LRRC7: variants seen among roughly 807,000 people sequenced by gnomAD.
LRRC7 encodes leucine rich repeat containing 7.
Under a neutral mutation model 175.7 loss-of-function variants are expected in LRRC7, and 23 were observed. The ratio of observed to expected loss-of-function variants is 0.13; its 90% CI spans 0.09 to 0.19. LRRC7 has a LOEUF of 0.19. Among genes scored for constraint, LRRC7 ranks in the 10% least tolerant of loss-of-function variants. LRRC7 has a pLI of 1.00. For missense variants in LRRC7, 1,354 were observed against 1,904.7 expected, an observed-to-expected ratio of 0.71 and a Z score of 5.38; for synonymous variants, 685 against 680.9, an observed-to-expected ratio of 1.01 and a Z score of -0.09.
intron 7 of LRRC7, chr1:69,873,708 G>A (rs1483100568): frequency 4.5e-6 from 1 of 224,710 alleles, no homozygotes; most frequent in African/African-American, 2.3e-5. Flanking sequence ...AAAATGTTTG[G>A]TCTTTGTTAA....
At chr1:69,711,026 T>A (rs1664690618) in intron 2 of LRRC7, among the ~76,000 whole-genome samples, 1 of 152,226 alleles carries the variant, frequency 6.6e-6, no homozygotes, top group Non-Finnish European at 1.5e-5. Flanking sequence ...AAGTCCAGTG[T>A]TGAGTGTATG....
intron 1 of LRRC7, among the ~76,000 whole-genome samples, chr1:69,668,277 T>G (rs956888553): frequency 2.0e-5 from 3 of 151,992 alleles, no homozygotes; most frequent in Non-Finnish European, 4.4e-5. Flanking sequence ...GTATTTCTCC[T>G]AATGCTATCC....
At chr1:69,652,869 G>T (rs1435131733) in intron 1 of LRRC7, among the ~76,000 whole-genome samples, 4 of 152,020 alleles carry the variant, frequency 2.6e-5, no homozygotes, top group Admixed American at 2.0e-4. Flanking sequence ...ATGGCATCAA[G>T]ACTATTCAAT....
intron 7 of LRRC7, among the ~76,000 whole-genome samples, chr1:69,856,176 A>G (rs1683592637): frequency 6.6e-6 from 1 of 152,186 alleles, no homozygotes; most frequent in Non-Finnish European, 1.5e-5. Flanking sequence ...TTATGATGTT[A>G]GCTGGTTATT....
At chr1:69,928,539 C>T (rs570829485) in intron 7 of LRRC7, among the ~76,000 whole-genome samples, 108 of 152,340 alleles carry the variant, frequency 7.1e-4, no homozygotes, top group Non-Finnish European at 1.4e-3. Flanking sequence ...GCGTTGCTGC[C>T]GCCTTGCAGT....
intron 1 of LRRC7, among the ~76,000 whole-genome samples, chr1:69,602,893 T>A (rs952034983): frequency 1.3e-5 from 2 of 152,234 alleles, no homozygotes; most frequent in African/African-American, 4.8e-5. Context: ...TATGTTACAA[T>A]TGCCTGCAGT....
chr1:70,025,103 A>G (rs919802013), intron 17 of LRRC7, among the ~76,000 whole-genome samples: 1 of 152,052 alleles, frequency 6.6e-6, no homozygotes, highest in African/African-American at 2.4e-5. Context: ...TATTGCATCT[A>G]CTAGCTATGT....
chr1:69,968,885 C>A (rs1175723470), intron 8 of LRRC7, among the ~76,000 whole-genome samples: 1 of 151,734 alleles, frequency 6.6e-6, no homozygotes, highest in African/African-American at 2.4e-5. Flanking sequence ...GTGGCGCAAT[C>A]TCAGCTCACT....
chr1:69,749,744 G>C (rs1570616452), intron 2 of LRRC7, among the ~76,000 whole-genome samples: 2 of 152,208 alleles, frequency 1.3e-5, no homozygotes, highest in African/African-American at 4.8e-5. Flanking sequence ...GTAAGCTAGA[G>C]CATAGAATAG....
intron 20 of LRRC7, among the ~76,000 whole-genome samples, chr1:70,037,207 T>G (rs1477557240): frequency 2.0e-5 from 3 of 152,244 alleles, no homozygotes; most frequent in African/African-American, 7.2e-5. Context: ...TTCCATTTTG[T>G]AACTTGTTGC....
chr1:70,053,664 A>G (rs537753645), intron 23 of LRRC7, among the ~76,000 whole-genome samples: 2 of 149,712 alleles, frequency 1.3e-5, no homozygotes, highest in Admixed American at 1.3e-4. Flanking sequence ...GTGCTGAGTG[A>G]TAAGTAGGTA....
chr1:69,778,012 C>G (rs1021911031), intron 3 of LRRC7, among the ~76,000 whole-genome samples: 1 of 152,182 alleles, frequency 6.6e-6, no homozygotes, highest in Non-Finnish European at 1.5e-5. Flanking sequence ...AGTCTGGCTA[C>G]AGCCTATTTC....
chr1:69,660,846 T>G (rs1276564430), intron 1 of LRRC7, among the ~76,000 whole-genome samples: 4 of 152,072 alleles, frequency 2.6e-5, no homozygotes, highest in Admixed American at 2.6e-4. Flanking sequence ...ATTTGACTCA[T>G]GATTTAAAAG....
chr1:69,927,356 C>T (rs1412285246), intron 7 of LRRC7, among the ~76,000 whole-genome samples: 3 of 152,138 alleles, frequency 2.0e-5, no homozygotes, highest in African/African-American at 4.8e-5. Flanking sequence ...TGTTGGCCTG[C>T]CTTGCTAGAT....
intron 7 of LRRC7, among the ~76,000 whole-genome samples, chr1:69,882,712 C>A (rs1316024605): frequency 6.6e-6 from 1 of 150,966 alleles, no homozygotes; most frequent in Non-Finnish European, 1.5e-5. Flanking sequence ...GTGCTGCACC[C>A]ACTAACCCGT....
intron 1 of LRRC7, among the ~76,000 whole-genome samples, chr1:69,646,406 T>C (rs1332953376): frequency 6.6e-6 from 1 of 152,304 alleles, no homozygotes; most frequent in East Asian, 1.9e-4. Context: ...ACAGTTATAA[T>C]AGTATGTGGT....
rs191172549 is a variant in LRRC7 at position 69,573,491 on chromosome 1, A to T, written c.2+4850A>T. Among the ~76,000 whole-genome samples, 670 of 152,304 alleles carry T rather than the reference A, an allele frequency of 4.4e-3. 3 individuals carry two copies. The highest frequency in any genetic ancestry group is 6.9e-3 in the Non-Finnish European group (468 of 68,010). On this transcript the variant is annotated intron_variant, in intron 1 of 26. Transcript: ENST00000651989. ...TATCTTGGAATAATTCATTCACGAC[A>T]GAAATTTAATAATCTAGTAGAATCT...
chr1:69,574,148 T>C (rs1645851513), intron 1 of LRRC7, among the ~76,000 whole-genome samples: 1 of 152,112 alleles, frequency 6.6e-6, no homozygotes, highest in Admixed American at 6.6e-5. Flanking sequence ...TTAAATGTTG[T>C]AGTACTCAAG....
In LRRC7 at chr1:70,039,718, G is replaced by A; in HGVS notation, c.3894G>A (p.Glu1298=). ...CGAGGCCTACTCCTGTGAAGGGAGA[G>A]GAGAGCTGTGGTAAAATGCCTGCAG... ...LKTRPTPVKG[E]ESCGKMPADW... is the part of the protein sequence containing the mutation. The change falls in exon 21 of 27, where the codon GAG becomes GAA. Residue 1298 remains glutamate (E), a synonymous_variant. Coordinates refer to ENST00000651989, the MANE Select transcript of LRRC7 (RefSeq NM_001370785.2). The A allele has an allele frequency of 6.2e-7, 1 of 1,613,942 alleles. No homozygotes were observed. Among genetic ancestry groups the A allele is most frequent in the Non-Finnish European group, 8.5e-7 (1 of 1,179,906 alleles).
Sources: allele counts gnomAD v4.1 joint callset (sites outside exome capture counted in the v4.1 genomes callset), GRCh38; gene constraint gnomAD v4.1.1; transcripts MANE v1.5; gene names NCBI Gene and HGNC (gene_info 2026-07-23, HGNC 2026-07-21).